Variants in CNTLN observed in about 807,000 individuals in gnomAD.
CNTLN encodes the protein centlein, also known as centlein, centrosomal protein.
In CNTLN, 212 loss-of-function variants were observed where a neutral mutation model predicts 180.0. The observed-to-expected ratio is 1.18, with a 90% CI of 1.05 to 1.32. CNTLN has a LOEUF of 1.32. Among genes scored for constraint, CNTLN ranks in the 40% most tolerant of loss-of-function variants. CNTLN has a pLI of 0.00. For missense variants in CNTLN, 2,095 were observed against 1,610.9 expected (o/e 1.30, Z -5.14); for synonymous variants, 722 against 563.1 (o/e 1.28, Z -3.99).
chr9:17,238,297 CAA>C (rs1392580444), intron 5 of CNTLN, among the ~76,000 whole-genome samples: 2 of 152,064 alleles, frequency 1.3e-5, no homozygotes, highest in Non-Finnish European at 2.9e-5. Flanking sequence ...TTTTATATGA[CAA>C]AGTTTTTCCC....
chr9:17,526,554 G>A, the CNTLN span, among the ~76,000 whole-genome samples: 28 of 152,226 alleles, frequency 1.8e-4, no homozygotes, highest in African/African-American at 6.7e-4. Flanking sequence ...TACAATAAGT[G>A]TGCACCAAAA....
chr9:17,379,705 C>T (rs1017845795), intron 13 of CNTLN, among the ~76,000 whole-genome samples: 1 of 152,120 alleles, frequency 6.6e-6, no homozygotes, highest in African/African-American at 2.4e-5. Flanking sequence ...AACATGTTTT[C>T]TCTAGATTAA....
intron 10 of CNTLN, among the ~76,000 whole-genome samples, chr9:17,335,658 C>G (rs1820964975): frequency 1.3e-5 from 2 of 152,082 alleles, no homozygotes; most frequent in Non-Finnish European, 2.9e-5. Flanking sequence ...AAGAGCCTTG[C>G]CAGGCACGAT....
At chr9:17,513,008 TG>T in the CNTLN span, among the ~76,000 whole-genome samples, 541 of 151,758 alleles carry the variant, frequency 3.6e-3, 3 homozygotes, top group African/African-American at 0.011. Flanking sequence ...TTAGTAGAGA[TG>T]GGGGTTTCAC....
chr9:17,505,044 A>G (rs775918718), downstream of CNTLN, among the ~76,000 whole-genome samples: 23 of 152,188 alleles, frequency 1.5e-4, no homozygotes, highest in Non-Finnish European at 1.5e-4. Flanking sequence ...AGCTGGTTCA[A>G]TCAGTGTAAA....
intron 12 of CNTLN, among the ~76,000 whole-genome samples, chr9:17,356,740 G>A (rs1374208824): frequency 6.6e-6 from 1 of 152,058 alleles, no homozygotes; most frequent in South Asian, 2.1e-4. Context: ...GCCTCATAGA[G>A]CTTCAACTTA....
intron 25 of CNTLN, 149 bp from the exon 26 acceptor site, chr9:17,502,402 C>G (rs534924654): frequency 2.3e-6 from 1 of 428,366 alleles, no homozygotes; most frequent in Admixed American, 4.7e-5. Context: ...CACTAACCAG[C>G]AAGATCAGTA....
rs755471771 is a variant in CNTLN at position 17,415,818 on chromosome 9, C to A, written c.2827C>A (p.Pro943Thr). 2 of 1,612,114 alleles carry A rather than the reference C, an allele frequency of 1.2e-6. No homozygotes were observed. Among genetic ancestry groups the A allele is most frequent in the Non-Finnish European group, 1.7e-6 (2 of 1,179,042 alleles). ...DYFHDKNAKK[P>T]TFQKKNCKMQ... ...TTTTCATGATAAGAATGCCAAAAAA[C>A]CAACTTTTCAAAAGAAGAATTGCAA... Residue 943 changes from proline to threonine, a missense_variant, in exon 17 of 26, where the codon CCA (proline) becomes ACA (threonine). Transcript: ENST00000380647.
intron 20 of CNTLN, 120 bp downstream of exon 20, chr9:17,463,133 C>A: frequency 1.7e-6 from 1 of 580,512 alleles, no homozygotes; most frequent in South Asian, 2.5e-5. Context: ...CATATTTAAA[C>A]CTACCTAAGA....
At chr9:17,198,784 G>T (rs1822314838) in intron 2 of CNTLN, among the ~76,000 whole-genome samples, 3 of 151,366 alleles carry the variant, frequency 2.0e-5, no homozygotes, top group African/African-American at 7.3e-5. Context: ...GTGGTGTTTG[G>T]TTTTCTGTTT....
At chr9:17,271,408 T>G (rs955190306) in intron 5 of CNTLN, among the ~76,000 whole-genome samples, 10 of 152,102 alleles carry the variant, frequency 6.6e-5, no homozygotes, top group African/African-American at 2.2e-4. Context: ...CCTCCTTCGT[T>G]TTCTTTCTTT....
At chr9:17,423,245 G>A (rs114791523) in intron 18 of CNTLN, among the ~76,000 whole-genome samples, 2,770 of 152,208 alleles carry the variant, frequency 0.018, 81 homozygotes, top group African/African-American at 0.063. Flanking sequence ...TTTATTTGAG[G>A]TCCAAGGGCT....
At chr9:17,439,264 A>G (rs1471757620) in intron 18 of CNTLN, among the ~76,000 whole-genome samples, 1 of 152,216 alleles carries the variant, frequency 6.6e-6, no homozygotes, top group African/African-American at 2.4e-5. Context: ...TTAACAGAGC[A>G]ATAAAAAGTC....
chr9:17,434,103 G>A (rs1056226207), intron 18 of CNTLN, among the ~76,000 whole-genome samples: 1 of 151,986 alleles, frequency 6.6e-6, no homozygotes, highest in Non-Finnish European at 1.5e-5. Context: ...GATAGTCCTT[G>A]TTTCATTTCT....
At position 17,273,792 on chromosome 9, in the gene CNTLN, C is replaced by T; in HGVS notation, c.909C>T (p.Tyr303=). The T allele has an allele frequency of 6.4e-7, 1 of 1,571,566 alleles. No homozygotes were observed. The highest frequency in any genetic ancestry group is 8.6e-7 in the Non-Finnish European group (1 of 1,160,410). Residue 303 remains tyrosine, a synonymous_variant, in exon 6 of 26, where the codon TAC becomes TAT. Transcript: ENST00000380647. ...AAGTTGAAGTATCACAGAGTAAATA[C>T]AATGCTCTATCATTACAGTTGAGTA... The part of the protein sequence containing the change: ...RKEVEVSQSK[Y]NALSLQLSNK...
Position 17,405,857 on chromosome 9 carries a change from C to G in CNTLN, c.2616-3436C>G, listed in dbSNP as rs191011639. Among the ~76,000 whole-genome samples the G allele has an allele frequency of 6.8e-3, 1,029 of 151,718 alleles. 15 individuals carry two copies. Among genetic ancestry groups the G allele is most frequent in the Non-Finnish European group, 9.7e-3 (659 of 67,978 alleles). Reference sequence around the variant, plus strand: ...TGGCTGGAGTGCAGTGGCGTGATCTCAGCTCACTGCATCCTCTGTCCCCTG... The same window carrying G: ...TGGCTGGAGTGCAGTGGCGTGATCTGAGCTCACTGCATCCTCTGTCCCCTG... On this transcript the variant is annotated intron_variant, in intron 15 of 25. Transcript: ENST00000380647.
At position 17,354,253 on chromosome 9, in the gene CNTLN, C is replaced by G. The variant is rs1428868376; in HGVS notation, c.1886+11809C>G. Among the ~76,000 whole-genome samples, 5 of 152,180 alleles carry G rather than the reference C, an allele frequency of 3.3e-5. No individual in the cohort carries two copies. The East Asian group carries it at 9.7e-4, about 29-fold the overall frequency. ...GGGCTCCTGTGCAGCCCGAGCCTCC[C>G]CGACGAGCACCACCCCCTGCTCCAG... On this transcript the variant is annotated intron_variant, in intron 12 of 25. Transcript: ENST00000380647.
chr9:17,329,600 G>C (rs1820511978), intron 8 of CNTLN, among the ~76,000 whole-genome samples: 1 of 151,800 alleles, frequency 6.6e-6, no homozygotes, highest in Non-Finnish European at 1.5e-5. Flanking sequence ...ATCAAATATG[G>C]TCCCTCTCAT....
chr9:17,310,692 A>C (rs1276818376), intron 8 of CNTLN, among the ~76,000 whole-genome samples: 1 of 152,216 alleles, frequency 6.6e-6, no homozygotes, highest in Non-Finnish European at 1.5e-5. Context: ...CACCAACAAT[A>C]TAAAAGAGAT....
Sources: gnomAD v4.1 joint callset for allele counts (sites outside exome capture counted in the v4.1 genomes callset) on GRCh38, gnomAD v4.1.1 for gene constraint, MANE v1.5 for transcripts, NCBI Gene and HGNC (gene_info 2026-07-23, HGNC 2026-07-21) for gene names.